The following SLC2A13 variants were observed in gnomAD, a reference collection of about 807,000 sequenced individuals.
The protein encoded by SLC2A13 is proton myo-inositol cotransporter.
A neutral mutation model predicts 64.4 loss-of-function variants in SLC2A13; 32 were observed. That is an observed-to-expected ratio of 0.50 (90% confidence interval 0.37 to 0.67). The LOEUF (loss-of-function observed/expected upper bound fraction) is 0.67. Among genes scored for constraint, SLC2A13 ranks in the 30% least tolerant of loss-of-function variants. SLC2A13 has a pLI of 0.00. For missense variants in SLC2A13, 743 were observed against 829.2 expected (o/e 0.90, Z 1.28); for synonymous variants, 338 against 327.1 (o/e 1.03, Z -0.36).
chr12:40,041,838 T>TA (rs888896868), intron 2 of SLC2A13, among the ~76,000 whole-genome samples: 4 of 152,188 alleles, frequency 2.6e-5, no homozygotes, highest in South Asian at 2.1e-4. Context: ...CACACTCTGC[T>TA]AAAAAAATAA....
At chr12:39,919,867 T>G (rs764307433) in intron 4 of SLC2A13, among the ~76,000 whole-genome samples, 2 of 152,150 alleles carry the variant, frequency 1.3e-5, no homozygotes, top group Non-Finnish European at 2.9e-5. Context: ...AGGAATAGGC[T>G]GACAGTGCTT....
At chr12:40,034,835 C>T (rs1363577343) in intron 2 of SLC2A13, among the ~76,000 whole-genome samples, 1 of 152,148 alleles carries the variant, frequency 6.6e-6, no homozygotes, top group Non-Finnish European at 1.5e-5. Flanking sequence ...ATTGTGTTTG[C>T]TTGGAAAGCT....
At chr12:40,008,091 A>T (rs1947456680) in intron 3 of SLC2A13, among the ~76,000 whole-genome samples, 1 of 152,206 alleles carries the variant, frequency 6.6e-6, no homozygotes, top group Admixed American at 6.5e-5. Context: ...CAAAACATTT[A>T]AGGATTTTTT....
At chr12:39,912,091 C>T (rs1195976278) in intron 4 of SLC2A13, among the ~76,000 whole-genome samples, 4 of 151,958 alleles carry the variant, frequency 2.6e-5, no homozygotes, top group Non-Finnish European at 5.9e-5. Flanking sequence ...TCAGCTCCTC[C>T]ACTCAGTTCC....
At chr12:39,910,341 G>A (rs1485174450) in intron 4 of SLC2A13, among the ~76,000 whole-genome samples, 1 of 152,082 alleles carries the variant, frequency 6.6e-6, no homozygotes, top group African/African-American at 2.4e-5. Context: ...ACTATGCATT[G>A]ATGCTCTAAC....
intron 3 of SLC2A13, among the ~76,000 whole-genome samples, chr12:39,992,780 G>GA (rs1361369544): frequency 6.6e-6 from 1 of 151,980 alleles, no homozygotes; most frequent in Non-Finnish European, 1.5e-5. Flanking sequence ...AAATGGCAAT[G>GA]AAAATATAAG....
In SLC2A13 at chr12:39,795,284, C is replaced by T. The variant is rs139626198; in HGVS notation, c.1446-30426G>A. 9.9e-3 allele frequency among the ~76,000 whole-genome samples: 1,503 copies of T among 152,070 alleles called. 49 individuals carry two copies. The highest frequency in any genetic ancestry group is 0.045 in the Admixed American group (680 of 15,260). On this transcript the variant is annotated intron_variant, in intron 7 of 9. Coordinates refer to ENST00000280871, the MANE Select transcript of SLC2A13 (RefSeq NM_052885.4). ...ATTTTCATATCCGTCTTTCAGTTCA[C>T]TAATTCTACTGAGTCAAATCTGCTG...
chr12:40,091,483 T>C (rs1035258737), intron 1 of SLC2A13, among the ~76,000 whole-genome samples: 1 of 152,212 alleles, frequency 6.6e-6, no homozygotes, highest in Non-Finnish European at 1.5e-5. Context: ...TATAAAAGCC[T>C]GTACTTCAAT....
chr12:39,945,670 T>G (rs1247516441), intron 4 of SLC2A13, among the ~76,000 whole-genome samples: 2 of 152,186 alleles, frequency 1.3e-5, no homozygotes, highest in Non-Finnish European at 2.9e-5. Context: ...CATTTTGCAT[T>G]TCTAAAAGTG....
At chr12:40,047,969 AT>A in intron 2 of SLC2A13, 81 bp downstream of exon 2, 7 of 1,329,496 alleles carry the variant, frequency 5.3e-6, no homozygotes, top group Non-Finnish European at 7.2e-6. Context: ...ACACAGCTAT[AT>A]TTTGACTATG....
chr12:39,843,106 C>A (rs557352295), intron 6 of SLC2A13, among the ~76,000 whole-genome samples: 1 of 151,820 alleles, frequency 6.6e-6, no homozygotes, highest in Non-Finnish European at 1.5e-5. Context: ...TGAGTAGATA[C>A]GTGCTTTCAG....
intron 7 of SLC2A13, among the ~76,000 whole-genome samples, chr12:39,807,434 C>T (rs1375863748): frequency 6.6e-6 from 1 of 152,124 alleles, no homozygotes; most frequent in East Asian, 1.9e-4. Context: ...AGTTGTTATT[C>T]AGGGGAACTG....
At chr12:39,927,694 C>G (rs1176054855) in intron 4 of SLC2A13, among the ~76,000 whole-genome samples, 1 of 152,098 alleles carries the variant, frequency 6.6e-6, no homozygotes, top group African/African-American at 2.4e-5. Flanking sequence ...TTGGCTAAAT[C>G]TGGTTTATTT....
At chr12:40,102,701 A>G (rs952612453) in intron 1 of SLC2A13, among the ~76,000 whole-genome samples, 1 of 152,238 alleles carries the variant, frequency 6.6e-6, no homozygotes, top group Non-Finnish European at 1.5e-5. Context: ...TTAACTACTT[A>G]AAAAACAATG....
chr12:40,032,781 GA>G (rs1213684224), intron 2 of SLC2A13, among the ~76,000 whole-genome samples: 1 of 152,128 alleles, frequency 6.6e-6, no homozygotes, highest in Non-Finnish European at 1.5e-5. Context: ...TGTAACTAAC[GA>G]CAATAATCCT....
At chr12:39,968,792 A>ATC (rs1946584376) in intron 3 of SLC2A13, among the ~76,000 whole-genome samples, 1 of 18,522 alleles carries the variant, frequency 5.4e-5, no homozygotes, top group African/African-American at 1.2e-4. Context: ...ATATATATAT[A>ATC]TATATATATA....
intron 7 of SLC2A13, among the ~76,000 whole-genome samples, chr12:39,780,179 A>G (rs1940930359): frequency 6.6e-6 from 1 of 152,010 alleles, no homozygotes; most frequent in Admixed American, 6.6e-5. Flanking sequence ...TCAAAGCAAT[A>G]GCATCATTAT....
chr12:40,048,103 A>G lies in SLC2A13; in HGVS notation c.664T>C (p.Phe222Leu). 1 of 1,613,486 alleles carries G rather than the reference A, an allele frequency of 6.2e-7. No homozygotes were observed. The highest frequency in any genetic ancestry group is 8.5e-7 in the Non-Finnish European group (1 of 1,179,738). ...NTLFITGGQF[F>L]ASVVDGAFSY... ...AAGGCTCCATCAACAACACTTGCAA[A>G]GAACTGCCCTCCTGTGATGAAGAGG... The change falls in exon 2 of 10, where the codon TTT becomes CTT. Residue 222 changes from phenylalanine to leucine, a missense_variant. Physicochemically the swap from Phe to Leu is conservative, Grantham distance 22 (BLOSUM62 0). This residue lies in a region of SLC2A13 where 448 missense variants were observed against 447.4 expected (regional missense o/e 1.00). Coordinates refer to ENST00000280871, the MANE Select transcript of SLC2A13 (RefSeq NM_052885.4).
intron 3 of SLC2A13, among the ~76,000 whole-genome samples, chr12:39,990,402 T>G (rs1010095681): frequency 6.6e-6 from 1 of 152,184 alleles, no homozygotes; most frequent in Non-Finnish European, 1.5e-5. Flanking sequence ...GGACTTTAAC[T>G]TCTAACACAT....
Sources: allele counts gnomAD v4.1 joint callset (sites outside exome capture counted in the v4.1 genomes callset), GRCh38; gene constraint gnomAD v4.1.1; regional missense constraint gnomAD v4.1.1; transcripts MANE v1.5; gene names NCBI Gene and HGNC (gene_info 2026-07-23, HGNC 2026-07-21).